KCNJ6: variants seen among roughly 807,000 people sequenced by gnomAD.
KCNJ6 encodes potassium inwardly rectifying channel subfamily J member 6.
KCNJ6 carries 9 observed loss-of-function variants against 34.2 expected under a neutral mutation model. The ratio of observed to expected loss-of-function variants is 0.26; its 90% CI spans 0.16 to 0.46. The LOEUF (loss-of-function observed/expected upper bound fraction) is 0.46. Among genes scored for constraint, KCNJ6 ranks in the 20% least tolerant of loss-of-function variants. The pLI, the probability that KCNJ6 is intolerant of heterozygous loss-of-function variation, is 1.00. For synonymous variants in KCNJ6, 196 were observed against 207.1 expected (o/e 0.95, Z 0.46); for missense variants, 236 against 531.3 (o/e 0.44, Z 5.46).
rs1450585474 is a variant in KCNJ6 at position 37,916,164 on chromosome 21, T to A, written c.-308A>T. The A allele has an allele frequency of 2.0e-5, 3 of 151,622 alleles. No individual in the cohort carries two copies. The highest frequency in any genetic ancestry group is 4.4e-5 in the Non-Finnish European group (3 of 67,950). The allele number at this position is 151,622 out of a possible 1,614,324, so 9.4% of individuals were successfully genotyped here. ...CAGCCTCTCCAGCCAGGTGCGGCCG[T>A]CTCCGGACTGGCTCCCTCTGGCCGA... On this transcript the variant is annotated 5_prime_UTR_variant, in exon 1 of 4. Coordinates refer to ENST00000609713, the MANE Select transcript of KCNJ6 (RefSeq NM_002240.5).
At position 37,891,133 on chromosome 21, in the gene KCNJ6, C is replaced by T. The variant is rs184048110; in HGVS notation, c.-28+24751G>A. Among the ~76,000 whole-genome samples the T allele has an allele frequency of 1.6e-4, 25 of 152,226 alleles. 1 individual carries two copies. The South Asian group carries it at 2.7e-3, about 16-fold the overall frequency. ...TGGGAAGCAGGGAAGGCATAGGGGA[C>T]GGGCTTTCCTCCTTGCTTTCATAGG... On this transcript the variant is annotated intron_variant, in intron 1 of 3. Transcript: ENST00000609713.
chr21:37,797,100 T>G (rs1228742484), intron 2 of KCNJ6, among the ~76,000 whole-genome samples: 1 of 151,422 alleles, frequency 6.6e-6, no homozygotes, highest in African/African-American at 2.4e-5. Flanking sequence ...CTTACTTTGT[T>G]GCCCAGGCTG....
rs1244458777 is a variant in KCNJ6 at position 37,655,216 on chromosome 21, TGTGTGTGTGAGAGAGAGAGAGAGAGAGA to T, written c.947-29760_947-29733del. Among the ~76,000 whole-genome samples, 39 of 20,386 alleles carry T rather than the reference TGTGTGTGTGAGAGAGAGAGAGAGAGAGA, an allele frequency of 1.9e-3. 1 individual carries two copies. Among genetic ancestry groups the T allele is most frequent in the South Asian group, 0.014 (10 of 722 alleles). The allele number at this position is 20,386 out of a possible 152,430, so 13.4% of individuals were successfully genotyped here. A position where few individuals can be genotyped will look rare whatever the true frequency, so the allele number is the denominator to read the frequency against. On this transcript the variant is annotated intron_variant, in intron 3 of 3. Transcript: ENST00000609713. ...GTGTGTGTGTGTGTGTGTGTGTGTG[TGTGTGTGTGAGAGAGAGAGAGAGAGAGA>T]GAGAGAGAGAGAGAGAGAGAGAGAG... is the stretch of plus-strand genomic sequence containing the variant.
intron 2 of KCNJ6, among the ~76,000 whole-genome samples, chr21:37,819,784 G>A (rs927134813): frequency 2.9e-5 from 4 of 137,928 alleles, no homozygotes; most frequent in Non-Finnish European, 6.0e-5. Context: ...TGTCTAAGAT[G>A]GAATGTTAAA....
At chr21:37,660,388 C>T (rs944560927) in intron 3 of KCNJ6, among the ~76,000 whole-genome samples, 1 of 152,194 alleles carries the variant, frequency 6.6e-6, no homozygotes, top group Non-Finnish European at 1.5e-5. Context: ...TCGGGGCTCT[C>T]CTTCTCTCCC....
intron 2 of KCNJ6, among the ~76,000 whole-genome samples, chr21:37,820,859 C>T (rs2055370052): frequency 6.6e-6 from 1 of 152,144 alleles, no homozygotes; most frequent in South Asian, 2.1e-4. Flanking sequence ...GAGGGATGTG[C>T]CTTGTTTTGA....
At chr21:37,847,263 G>A (rs1192561161) in intron 1 of KCNJ6, among the ~76,000 whole-genome samples, 3 of 152,218 alleles carry the variant, frequency 2.0e-5, no homozygotes, top group Admixed American at 1.3e-4. Context: ...CAAGGACCCT[G>A]TGAAATGGTA....
chr21:37,634,522 T>A (rs1245713423), intron 3 of KCNJ6, among the ~76,000 whole-genome samples: 1 of 151,530 alleles, frequency 6.6e-6, no homozygotes, highest in Non-Finnish European at 1.5e-5. Flanking sequence ...AGCAGTATCA[T>A]TTTTAACAAA....
intron 2 of KCNJ6, among the ~76,000 whole-genome samples, chr21:37,732,731 G>A (rs984409840): frequency 2.6e-5 from 4 of 152,222 alleles, no homozygotes; most frequent in South Asian, 2.1e-4. Flanking sequence ...CCACAAACCC[G>A]CTTCTCTTAA....
intron 1 of KCNJ6, among the ~76,000 whole-genome samples, chr21:37,858,082 T>C (rs1031753246): frequency 6.6e-6 from 1 of 152,104 alleles, no homozygotes; most frequent in Admixed American, 6.5e-5. Context: ...GAAAAATATT[T>C]AGATACATCA....
intron 3 of KCNJ6, among the ~76,000 whole-genome samples, chr21:37,633,674 TAA>T (rs1347733751): frequency 6.6e-6 from 1 of 151,824 alleles, no homozygotes. Flanking sequence ...CAGCAACAAA[TAA>T]AAGACATAAC....
At chr21:37,797,391 T>A (rs1281242712) in intron 2 of KCNJ6, among the ~76,000 whole-genome samples, 1 of 152,200 alleles carries the variant, frequency 6.6e-6, no homozygotes, top group African/African-American at 2.4e-5. Flanking sequence ...AAGGATTTAG[T>A]GTGAGTTATA....
At chr21:37,846,772 GAACTTA>G (rs2055510768) in intron 1 of KCNJ6, among the ~76,000 whole-genome samples, 1 of 152,108 alleles carries the variant, frequency 6.6e-6, no homozygotes, top group South Asian at 2.1e-4. Context: ...GCCATTTTAT[GAACTTA>G]GTATCCTCAA....
At chr21:37,656,584 C>G (rs1018181578) in intron 3 of KCNJ6, among the ~76,000 whole-genome samples, 2 of 152,194 alleles carry the variant, frequency 1.3e-5, no homozygotes, top group Non-Finnish European at 1.5e-5. Context: ...GCTCTGCAGC[C>G]CTGCAGGGGT....
chr21:37,632,230 A>T (rs1199237583), intron 3 of KCNJ6, among the ~76,000 whole-genome samples: 3 of 151,970 alleles, frequency 2.0e-5, no homozygotes, highest in African/African-American at 7.2e-5. Flanking sequence ...GAAAACAATA[A>T]GAAAAGATGA....
At position 37,611,152 on chromosome 21, in the gene KCNJ6, G is replaced by A. The variant is rs980099219; in HGVS notation, c.*14007C>T. The A allele has an allele frequency of 6.6e-6, 1 of 152,108 alleles. No individual in the cohort carries two copies. The highest frequency in any genetic ancestry group is 1.5e-5 in the Non-Finnish European group (1 of 68,012). 9.4% of individuals were successfully genotyped at this position (152,108 alleles called of 1,614,324 possible). ...TACTATCAGAAATGAGAGCGGGGAC[G>A]TTACTAGCAATCCCATGGAGGTTAA... On this transcript the variant is annotated 3_prime_UTR_variant, in exon 4 of 4. Transcript: ENST00000609713.
chr21:37,872,399 G>A (rs996234816), intron 1 of KCNJ6, among the ~76,000 whole-genome samples: 10 of 152,184 alleles, frequency 6.6e-5, no homozygotes, highest in African/African-American at 2.2e-4. Flanking sequence ...CAAAGGGCAA[G>A]GCTTCCTCTG....
At chr21:37,708,706 G>C (rs1448348271) in intron 3 of KCNJ6, among the ~76,000 whole-genome samples, 1 of 152,128 alleles carries the variant, frequency 6.6e-6, no homozygotes, top group Non-Finnish European at 1.5e-5. Context: ...TGGGTGGTTG[G>C]GGTTATAACT....
chr21:37,636,129 CCCTTTTCCCTG>C (rs553220772), intron 3 of KCNJ6, among the ~76,000 whole-genome samples: 170 of 152,308 alleles, frequency 1.1e-3, no homozygotes, highest in African/African-American at 3.8e-3. Context: ...GAGCTGATTT[CCCTTTTCCCTG>C]CCTTTTCCCT....
Sources: gnomAD v4.1 joint callset for allele counts (sites outside exome capture counted in the v4.1 genomes callset) on GRCh38, gnomAD v4.1.1 for gene constraint, MANE v1.5 for transcripts, NCBI Gene and HGNC (gene_info 2026-07-23, HGNC 2026-07-21) for gene names.